ANKRD11: variants seen among roughly 807,000 people sequenced by gnomAD.
The protein encoded by ANKRD11 is ankyrin repeat domain-containing protein 11.
ANKRD11 carries 17 observed loss-of-function variants against 195.7 expected under a neutral mutation model. That is an observed-to-expected ratio of 0.09 (90% CI 0.06 to 0.13). ANKRD11 has a LOEUF of 0.13. ANKRD11 is among the 10% of genes least tolerant of loss of function. The pLI is 1.00. For synonymous variants in ANKRD11, 1,953 were observed against 1,528.1 expected (o/e 1.28, Z -6.49); for missense variants, 3,735 against 3,566.1 (o/e 1.05, Z -1.21).
At chr16:89,364,274 T>C (rs1438576283) in intron 2 of ANKRD11, among the ~76,000 whole-genome samples, 1 of 152,196 alleles carries the variant, frequency 6.6e-6, no homozygotes, top group Non-Finnish European at 1.5e-5. Context: ...ATCAGCCTAA[T>C]GCAGCTTCAT....
Position 89,428,369 on chromosome 16 carries a change from C to CA in ANKRD11, c.-144-10002dup, listed in dbSNP as rs915290239. Among the ~76,000 whole-genome samples the CA allele has an allele frequency of 1.8e-3, 268 of 151,338 alleles. 2 individuals are homozygous for CA. Among genetic ancestry groups the CA allele is most frequent in the African/African-American group, 5.9e-3 (243 of 41,202 alleles). The stretch of plus-strand genomic sequence containing the variant: ...TGAAACCCCGTCTCTACTAAAAATA[C>CA]AAAAAAATTAGCCAAGCGTGGTGGC... On this transcript the variant is annotated intron_variant, in intron 1 of 12. Transcript: ENST00000301030.
At chr16:89,466,928 A>C (rs1040514673) in intron 1 of ANKRD11, among the ~76,000 whole-genome samples, 3 of 152,160 alleles carry the variant, frequency 2.0e-5, no homozygotes, top group Non-Finnish European at 4.4e-5. Flanking sequence ...GCCCTCTAAT[A>C]ATCATCTGGT....
chr16:89,398,065 G>T (rs547090647), intron 2 of ANKRD11, among the ~76,000 whole-genome samples: 24 of 152,354 alleles, frequency 1.6e-4, no homozygotes, highest in African/African-American at 5.5e-4. Context: ...GGAGAATCTG[G>T]TGACGCTGTG....
At chr16:89,353,898 G>A (rs1021132881) in intron 2 of ANKRD11, among the ~76,000 whole-genome samples, 3 of 152,230 alleles carry the variant, frequency 2.0e-5, no homozygotes, top group African/African-American at 7.2e-5. Context: ...AGCCTCTCAT[G>A]CAGGGAGCGT....
intron 2 of ANKRD11, among the ~76,000 whole-genome samples, chr16:89,351,591 C>T (rs1165265349): frequency 6.6e-6 from 1 of 152,230 alleles, no homozygotes; most frequent in Non-Finnish European, 1.5e-5. Context: ...CGAAGCTTCT[C>T]TCTGTGTTTG....
intron 1 of ANKRD11, among the ~76,000 whole-genome samples, chr16:89,479,830 C>G (rs914646646): frequency 6.6e-6 from 1 of 151,488 alleles, no homozygotes; most frequent in Non-Finnish European, 1.5e-5. Flanking sequence ...GTAGTCCCAA[C>G]CACTCGGGAG....
chr16:89,365,665 T>C (rs1345152650), intron 2 of ANKRD11, among the ~76,000 whole-genome samples: 1 of 152,176 alleles, frequency 6.6e-6, no homozygotes, highest in African/African-American at 2.4e-5. Context: ...TTACCGCAAT[T>C]CTTCCTGGGC....
intron 2 of ANKRD11, among the ~76,000 whole-genome samples, chr16:89,326,815 A>C (rs2037751154): frequency 6.6e-6 from 1 of 152,224 alleles, no homozygotes; most frequent in Non-Finnish European, 1.5e-5. Flanking sequence ...GCAGTGCCCC[A>C]AAGCATCTCC....
At chr16:89,270,560 G>C (rs943656171) in intron 12 of ANKRD11, 2 of 528,784 alleles carry the variant, frequency 3.8e-6, no homozygotes, top group Non-Finnish European at 3.4e-6. Flanking sequence ...TCAAGCCTAG[G>C]GTCCTGTTGA....
At chr16:89,323,030 G>C (rs1817989309) in intron 2 of ANKRD11, 1 of 309,848 alleles carries the variant, frequency 3.2e-6, no homozygotes, top group Non-Finnish European at 6.3e-6. Flanking sequence ...TTTCTGTGGA[G>C]TCGGGTTTCG....
At position 89,388,574 on chromosome 16, in the gene ANKRD11, G is replaced by T. The variant is rs187495813; in HGVS notation, c.-60+29710C>A. Among the ~76,000 whole-genome samples, 3 of 152,156 alleles carry T rather than the reference G, an allele frequency of 2.0e-5. No homozygotes were observed. The South Asian group carries it at 6.2e-4, about 32-fold the overall frequency. Reference sequence around the variant, plus strand: ...AAAAAAGCCTGAATGCTGCATGTGTGTCTCTGACTGGGAATAAGGATCACT... The same window carrying T: ...AAAAAAGCCTGAATGCTGCATGTGTTTCTCTGACTGGGAATAAGGATCACT... On this transcript the variant is annotated intron_variant, in intron 2 of 12. Coordinates refer to ENST00000301030, the MANE Select transcript of ANKRD11 (RefSeq NM_013275.6).
At chr16:89,300,678 C>T in intron 4 of ANKRD11, 1 of 537,800 alleles carries the variant, frequency 1.9e-6, no homozygotes, top group Non-Finnish European at 3.3e-6. Flanking sequence ...ACAGCCGTCT[C>T]CTATCTGAGG....
intron 1 of ANKRD11, chr16:89,420,360 TTCTAGA>T (rs1403224966): frequency 6.6e-6 from 1 of 152,184 alleles, no homozygotes; most frequent in Non-Finnish European, 1.5e-5. Flanking sequence ...AGCGTCGGTC[TTCTAGA>T]TGCCAGTAAG....
rs755613844 is a variant in ANKRD11 at position 89,283,752 on chromosome 16, G to A, written c.2790C>T (p.Val930=). Reference sequence around the variant, plus strand: ...TGTCCTTTTCCGAAAGGTAGCCAGGGACACTTTTATGCTTTTCGGTCTGCT... The same window carrying A: ...TGTCCTTTTCCGAAAGGTAGCCAGGAACACTTTTATGCTTTTCGGTCTGCT... ...RKEQTEKHKS[V]PGYLSEKDKK... is the part of the protein sequence containing the mutation. Residue 930 remains valine (V), a synonymous_variant, in exon 9 of 13, where the codon GTC becomes GTT. Transcript: ENST00000301030. The surrounding 1 kb of genome is among the most constrained non-coding windows in gnomAD (Gnocchi z 4.3). 1 of 1,613,556 alleles carries A rather than the reference G, an allele frequency of 6.2e-7. No homozygotes were observed. Among genetic ancestry groups the A allele is most frequent in the East Asian group, 2.2e-5 (1 of 44,852 alleles).
At chr16:89,318,497 G>A (rs904046600) in intron 2 of ANKRD11, among the ~76,000 whole-genome samples, 1 of 152,152 alleles carries the variant, frequency 6.6e-6, no homozygotes, top group Non-Finnish European at 1.5e-5. Context: ...TCTGCAACTC[G>A]CTCCCCTGCA....
intron 1 of ANKRD11, among the ~76,000 whole-genome samples, chr16:89,488,481 T>C (rs572591960): frequency 2.8e-5 from 4 of 142,920 alleles, no homozygotes; most frequent in Non-Finnish European, 6.0e-5. Context: ...AGTTGCAGAG[T>C]AAAATCAGAG....
At chr16:89,412,084 C>T (rs1487843937) in intron 2 of ANKRD11, among the ~76,000 whole-genome samples, 3 of 82,566 alleles carry the variant, frequency 3.6e-5, no homozygotes, top group African/African-American at 1.6e-4. Context: ...CCCCATCCCT[C>T]CCCTCAGCCA....
intron 2 of ANKRD11, among the ~76,000 whole-genome samples, chr16:89,399,326 C>T (rs1476984681): frequency 6.6e-6 from 1 of 152,166 alleles, no homozygotes; most frequent in Non-Finnish European, 1.5e-5. Context: ...CGGCGTCCAT[C>T]CAGACAACAG....
intron 1 of ANKRD11, among the ~76,000 whole-genome samples, chr16:89,422,982 A>G (rs1245547133): frequency 6.6e-6 from 1 of 152,226 alleles, no homozygotes; most frequent in Non-Finnish European, 1.5e-5. Context: ...TAAGATGAGC[A>G]ATTCTTTCTG....
Sources: gnomAD v4.1 joint callset for allele counts (sites outside exome capture counted in the v4.1 genomes callset) on GRCh38, gnomAD v4.1.1 for gene constraint, Gnocchi (gnomAD v3.1) non-coding constraint, MANE v1.5 for transcripts, NCBI Gene and HGNC (gene_info 2026-07-23, HGNC 2026-07-21) for gene names.